AUNIP: variants seen among roughly 807,000 people sequenced by gnomAD.
The protein encoded by AUNIP is aurora kinase A and ninein interacting protein, also known as aurora kinase A- and ninein-interacting protein.
Under a neutral mutation model 12.2 loss-of-function variants are expected in AUNIP, and 16 were observed. The observed-to-expected ratio is 1.31, with a 90% CI of 0.88 to 1.99. AUNIP has a LOEUF of 1.99. Among genes scored for constraint, AUNIP ranks in the 30% most tolerant of loss-of-function variants. The pLI, the probability that AUNIP is intolerant of heterozygous loss-of-function variation, is 0.00. For synonymous variants in AUNIP, 142 were observed against 154.8 expected (o/e 0.92, Z 0.61); for missense variants, 411 against 419.1 (o/e 0.98, Z 0.17).
chr1:25,844,885 G>A (rs904260179), intron 1 of AUNIP, among the ~76,000 whole-genome samples: 2 of 152,140 alleles, frequency 1.3e-5, no homozygotes, highest in African/African-American at 4.8e-5. Flanking sequence ...CATTTAGGAT[G>A]AAAACCTTTC....
intron 1 of AUNIP, among the ~76,000 whole-genome samples, chr1:25,842,761 C>G (rs2048354866): frequency 6.6e-6 from 1 of 152,174 alleles, no homozygotes; most frequent in Non-Finnish European, 1.5e-5. Context: ...TATATCTACT[C>G]TGCCTGTGGT....
chr1:25,839,352 A>G (rs547724228), intron 1 of AUNIP, among the ~76,000 whole-genome samples: 2 of 152,202 alleles, frequency 1.3e-5, no homozygotes. Flanking sequence ...CCATTACTGA[A>G]TACTAACCTA....
At position 25,837,511 on chromosome 1, in the gene AUNIP, G is replaced by A. The variant is rs1213500456; in HGVS notation, c.122C>T (p.Pro41Leu). The A allele has an allele frequency of 6.2e-7, 1 of 1,613,730 alleles. No homozygotes were observed. Among genetic ancestry groups the A allele is most frequent in the East Asian group, 2.2e-5 (1 of 44,882 alleles). ...KPGTKMLTLL[P>L]GERKANIYFT... ...ATAAATATTAGCCTTTCTTTCTCCA[G>A]GAAGGAGTGTTAGCATTTTGGTGCC... is the stretch of plus-strand genomic sequence containing the variant. The change falls in exon 2 of 3, where the codon CCT (proline) becomes CTT (leucine). Residue 41 changes from proline (P) to leucine (L), a missense_variant. Transcript: ENST00000374298.
At chr1:25,857,674 C>T (rs1237652773) in intron 1 of AUNIP, among the ~76,000 whole-genome samples, 8 of 151,592 alleles carry the variant, frequency 5.3e-5, no homozygotes, top group African/African-American at 1.9e-4. Flanking sequence ...ACCAGCCTGG[C>T]CAACATAGTG....
chr1:25,858,538 T>A (rs7523856), intron 1 of AUNIP, among the ~76,000 whole-genome samples: 1 of 152,226 alleles, frequency 6.6e-6, no homozygotes. Context: ...AAATGCTCAA[T>A]AAACATGAAT....
downstream of AUNIP, among the ~76,000 whole-genome samples, chr1:25,833,238 C>T (rs193174872): frequency 6.2e-4 from 95 of 152,168 alleles, no homozygotes; most frequent in Non-Finnish European, 1.1e-3. Flanking sequence ...CCTTAGCCTC[C>T]TGAGTAGCTG....
In AUNIP at chr1:25,859,383, G is replaced by A. The variant is rs1012470443; in HGVS notation, c.-26C>T. On this transcript the variant is annotated 5_prime_UTR_variant, in exon 1 of 3. Coordinates refer to ENST00000374298, the MANE Select transcript of AUNIP (RefSeq NM_024037.3). Reference sequence around the variant, plus strand: ...GGCCGCTGAGGAGACGAAGCCGGCAGGACGCCGGCGCAGGCTCCCGGCGCC... The same window carrying A: ...GGCCGCTGAGGAGACGAAGCCGGCAAGACGCCGGCGCAGGCTCCCGGCGCC... 1.2e-5 allele frequency: 18 copies of A among 1,489,368 alleles called. No individual in the cohort carries two copies. The highest frequency in any genetic ancestry group is 1.3e-5 in the South Asian group (1 of 77,982). 92.3% of individuals were successfully genotyped at this position (1,489,368 alleles called of 1,614,324 possible). A position where few individuals can be genotyped will look rare whatever the true frequency, so the allele number is the denominator to read the frequency against.
rs1377965117 is a variant in AUNIP at position 25,847,737 on chromosome 1, G to A, written c.79-10183C>T. 1.3e-5 allele frequency among the ~76,000 whole-genome samples: 2 copies of A among 152,032 alleles called. No individual in the cohort carries two copies. The highest frequency in any genetic ancestry group is 4.8e-5 in the African/African-American group (2 of 41,364). ...TTGGGAGGCACATCACTTGAGCTCA[G>A]GAGTTCAAAACCAGCCTGGCCACAT... On this transcript the variant is annotated intron_variant, in intron 1 of 2. Coordinates refer to ENST00000374298, the MANE Select transcript of AUNIP (RefSeq NM_024037.3). The surrounding 1 kb of genome is among the most constrained non-coding windows in gnomAD (Gnocchi z 4.2).
At chr1:25,856,834 G>A (rs899933837) in intron 1 of AUNIP, among the ~76,000 whole-genome samples, 5 of 151,988 alleles carry the variant, frequency 3.3e-5, no homozygotes, top group African/African-American at 1.2e-4. Flanking sequence ...GTGGCTGGGT[G>A]CAGTGGCTCA....
chr1:25,852,101 T>G (rs1041407220), intron 1 of AUNIP, among the ~76,000 whole-genome samples: 4 of 151,998 alleles, frequency 2.6e-5, no homozygotes, highest in Non-Finnish European at 4.4e-5. Flanking sequence ...TACAGGCATG[T>G]ACCACCACAT....
downstream of AUNIP, chr1:25,831,932 TATTGA>T: frequency 6.2e-7 from 1 of 1,614,182 alleles, no homozygotes; most frequent in South Asian, 1.1e-5. Flanking sequence ...AACCGGAGTT[TATTGA>T]AGGAGGAAGA....
chr1:25,854,924 T>C (rs1191107092), intron 1 of AUNIP, among the ~76,000 whole-genome samples: 2 of 151,656 alleles, frequency 1.3e-5, no homozygotes, highest in Non-Finnish European at 2.9e-5. Context: ...AGCTGCAATG[T>C]CATTTATGAC....
At position 25,835,733 on chromosome 1, in the gene AUNIP, G is replaced by A; in HGVS notation, c.334C>T (p.His112Tyr). The A allele has an allele frequency of 6.2e-7, 1 of 1,614,236 alleles. No homozygotes were observed. Among genetic ancestry groups the A allele is most frequent in the Non-Finnish European group, 8.5e-7 (1 of 1,180,044 alleles). Residue 112 changes from histidine to tyrosine, a missense_variant, in exon 3 of 3, where the codon CAC becomes TAC. Transcript: ENST00000374298. ...QLDHLIPGLA[H>Y]DCMASPLATS... Reference sequence around the variant, plus strand: ...GCTAAAGGGGATGCCATGCAATCGTGTGCTAAGCCTGGGATCAAATGGTCT... The same window carrying A: ...GCTAAAGGGGATGCCATGCAATCGTATGCTAAGCCTGGGATCAAATGGTCT...
chr1:25,856,191 C>A (rs190150062), intron 1 of AUNIP, among the ~76,000 whole-genome samples: 4 of 151,566 alleles, frequency 2.6e-5, no homozygotes, highest in South Asian at 2.1e-4. Flanking sequence ...ATGGTGAAAC[C>A]CTGTCTCTAC....
rs2048388126 is a variant in AUNIP, at chr1:25,847,087, C to T, written c.79-9533G>A. Among the ~76,000 whole-genome samples the T allele has an allele frequency of 6.6e-6, 1 of 152,208 alleles. No homozygotes were observed. The highest frequency in any genetic ancestry group is 6.5e-5 in the Admixed American group (1 of 15,282). On this transcript the variant is annotated intron_variant, in intron 1 of 2. Coordinates refer to ENST00000374298, the MANE Select transcript of AUNIP (RefSeq NM_024037.3). This position sits in a 1 kb window ranked among gnomAD's most constrained non-coding sequence, Gnocchi z 4.2. ...TACCTATTCTCCCAATTTCCAAATA[C>T]TATTTCAAGTCACATTTTCTATTTT...
chr1:25,833,543 G>C (rs558699663), downstream of AUNIP, among the ~76,000 whole-genome samples: 1 of 152,176 alleles, frequency 6.6e-6, no homozygotes, highest in South Asian at 2.1e-4. Context: ...AGCACTTTGG[G>C]AGTTCAAGAT....
At chr1:25,843,988 G>C (rs1379494144) in intron 1 of AUNIP, among the ~76,000 whole-genome samples, 3 of 152,230 alleles carry the variant, frequency 2.0e-5, no homozygotes, top group African/African-American at 7.2e-5. Context: ...GGCAGGGTTT[G>C]AGAGGATTAA....
intron 1 of AUNIP, among the ~76,000 whole-genome samples, chr1:25,844,365 C>T (rs938198596): frequency 1.3e-5 from 2 of 152,180 alleles, no homozygotes; most frequent in Non-Finnish European, 2.9e-5. Flanking sequence ...TCCCAAAGTG[C>T]TGGGATTACA....
At chr1:25,846,012 T>C (rs184261907) in intron 1 of AUNIP, among the ~76,000 whole-genome samples, 176 of 152,306 alleles carry the variant, frequency 1.2e-3, no homozygotes, top group Middle Eastern at 6.8e-3. Flanking sequence ...TGGTTTTTCA[T>C]CTAAACCTCA....
Sources: gnomAD v4.1 joint callset for allele counts (sites outside exome capture counted in the v4.1 genomes callset) on GRCh38, gnomAD v4.1.1 for gene constraint, Gnocchi (gnomAD v3.1) non-coding constraint, MANE v1.5 for transcripts, NCBI Gene and HGNC (gene_info 2026-07-23, HGNC 2026-07-21) for gene names.